The following CELF2 variants were observed in gnomAD, a reference collection of about 807,000 sequenced individuals.
The protein encoded by CELF2 is CUG triplet repeat RNA-binding protein 2.
A neutral mutation model predicts 62.6 loss-of-function variants in CELF2; 8 were observed. That is an observed-to-expected ratio of 0.13 (90% CI 0.07 to 0.23). The LOEUF (loss-of-function observed/expected upper bound fraction) is 0.23. Ranked by LOEUF, CELF2 falls within the 10% of genes least tolerant of loss-of-function variation. CELF2 has a pLI of 1.00. For missense variants in CELF2, 333 were observed against 671.0 expected, an observed-to-expected ratio of 0.50 and a Z score of 5.56; for synonymous variants, 258 against 250.0, an observed-to-expected ratio of 1.03 and a Z score of -0.30.
At chr10:10,805,336 C>G (rs2055103474) in intron 1 of CELF2, among the ~76,000 whole-genome samples, 1 of 152,208 alleles carries the variant, frequency 6.6e-6, no homozygotes, top group Non-Finnish European at 1.5e-5. Flanking sequence ...GATAAATTGA[C>G]AAGCATGGCA....
At chr10:10,820,955 C>T (rs1012202083) in intron 1 of CELF2, among the ~76,000 whole-genome samples, 2 of 151,944 alleles carry the variant, frequency 1.3e-5, no homozygotes, top group Admixed American at 1.3e-4. Flanking sequence ...TGTAGATATC[C>T]CGGCCAGAGA....
intron 5 of CELF2, among the ~76,000 whole-genome samples, chr10:11,263,369 A>G (rs1438739218): frequency 1.3e-5 from 2 of 152,068 alleles, no homozygotes; most frequent in East Asian, 1.9e-4. Context: ...AGTAATATAC[A>G]TGTTGTCTTA....
chr10:11,105,834 G>C (rs911546206), intron 1 of CELF2, among the ~76,000 whole-genome samples: 1 of 152,140 alleles, frequency 6.6e-6, no homozygotes, highest in African/African-American at 2.4e-5. Flanking sequence ...TTCTGCTCCA[G>C]TCTCCACTAC....
At chr10:10,588,861 T>C in the CELF2 span, among the ~76,000 whole-genome samples, 3 of 152,106 alleles carry the variant, frequency 2.0e-5, no homozygotes, top group African/African-American at 7.2e-5. Context: ...ATTCACAGAG[T>C]ACCACCCACT....
rs1283953997 is a variant in CELF2, at chr10:11,010,926, G to A, written c.53+5486G>A. 6.6e-6 allele frequency: 1 copy of A among 152,206 alleles called. No homozygotes were observed. Among genetic ancestry groups the A allele is most frequent in the Non-Finnish European group, 1.5e-5 (1 of 68,058 alleles). 9.4% of individuals were successfully genotyped at this position (152,206 alleles called of 1,614,324 possible). On this transcript the variant is annotated intron_variant, in intron 1 of 12. Coordinates refer to the CELF2 transcript ENST00000416382. This position sits in a 1 kb window ranked among gnomAD's most constrained non-coding sequence, Gnocchi z 4.1. Reference sequence around the variant, plus strand: ...ACTTACCTTGCAGTGCCAATTTTGGGAAGGGCATAGGACTGAAGAAATGGA... The same window carrying A: ...ACTTACCTTGCAGTGCCAATTTTGGAAAGGGCATAGGACTGAAGAAATGGA...
rs542797241 is a variant in CELF2 at position 11,270,401 on chromosome 10, AGAAGGAGAGGCAGTT to A, written c.619-264_619-250del. ...CAAGGTTGAAGGAAGACACAGGAAG[AGAAGGAGAGGCAGTT>A]ACTAATCAGAGCAAGAAAGCAAGTG... is the stretch of plus-strand genomic sequence containing the variant. On this transcript the variant is annotated intron_variant, in intron 6 of 12. Coordinates refer to ENST00000633077, the MANE Select transcript of CELF2 (RefSeq NM_001326342.2). The surrounding 1 kb of genome is among the most constrained non-coding windows in gnomAD (Gnocchi z 5.8). Among the ~76,000 whole-genome samples the A allele has an allele frequency of 2.9e-4, 44 of 152,340 alleles. No homozygotes were observed. The East Asian group carries it at 4.0e-3, about 14-fold the overall frequency.
the CELF2 span, among the ~76,000 whole-genome samples, chr10:10,487,296 C>T: frequency 5.9e-5 from 9 of 152,300 alleles, no homozygotes; most frequent in Admixed American, 3.3e-4. Context: ...CAAGTGGCCA[C>T]GTCAGAGGTC....
chr10:11,234,072 C>G (rs1462534236), intron 3 of CELF2, among the ~76,000 whole-genome samples: 2 of 152,204 alleles, frequency 1.3e-5, no homozygotes, highest in Non-Finnish European at 2.9e-5. Context: ...GACATTTTTG[C>G]TCATGTGCTG....
intron 1 of CELF2, among the ~76,000 whole-genome samples, chr10:11,081,458 A>G (rs1173899463): frequency 6.6e-6 from 1 of 152,230 alleles, no homozygotes; most frequent in Non-Finnish European, 1.5e-5. Context: ...AATGTTAGGG[A>G]AAGAGCATTC....
At chr10:10,678,462 A>G in the CELF2 span, among the ~76,000 whole-genome samples, 425 of 152,228 alleles carry the variant, frequency 2.8e-3, 3 homozygotes, top group African/African-American at 9.5e-3. Context: ...TTTCCATGGA[A>G]CAGCACTGCA....
At chr10:10,958,190 G>A (rs2049104381) in intron 2 of CELF2, among the ~76,000 whole-genome samples, 1 of 152,240 alleles carries the variant, frequency 6.6e-6, no homozygotes, top group Non-Finnish European at 1.5e-5. Flanking sequence ...ACTTGCTCAA[G>A]CATGAGGGAG....
chr10:10,932,265 G>C (rs1441959206), intron 2 of CELF2, among the ~76,000 whole-genome samples: 2 of 152,174 alleles, frequency 1.3e-5, no homozygotes. Flanking sequence ...ATGCGGTGGG[G>C]AGTGGGGAGA....
chr10:10,592,069 C>T, the CELF2 span, among the ~76,000 whole-genome samples: 69 of 151,882 alleles, frequency 4.5e-4, no homozygotes, highest in Middle Eastern at 3.2e-3. Context: ...TGTGGAGTAC[C>T]GACCTATTTA....
At chr10:10,824,282 TAATA>T (rs1267090928) in intron 1 of CELF2, among the ~76,000 whole-genome samples, 1 of 152,190 alleles carries the variant, frequency 6.6e-6, no homozygotes, top group Non-Finnish European at 1.5e-5. Context: ...AGAATGTTAT[TAATA>T]GTGTGTGATT....
At chr10:11,153,694 A>G (rs898440080) in intron 1 of CELF2, among the ~76,000 whole-genome samples, 1 of 152,242 alleles carries the variant, frequency 6.6e-6, no homozygotes, top group Non-Finnish European at 1.5e-5. Context: ...TGGATGTACA[A>G]TTAACCGTGA....
chr10:11,115,381 G>T (rs2056319755), intron 1 of CELF2, among the ~76,000 whole-genome samples: 1 of 152,186 alleles, frequency 6.6e-6, no homozygotes, highest in South Asian at 2.1e-4. Flanking sequence ...TTGAAAAGGG[G>T]AAAGGAAGAA....
Position 11,239,082 on chromosome 10 carries a change from T to C in CELF2, c.355-10071T>C, listed in dbSNP as rs536480567. ...TGTGGAATGCTGTCTGACAGCCGAT[T>C]AGAGTAATCTGTCAGAAATGATGAC... On this transcript the variant is annotated intron_variant, in intron 3 of 12. Transcript: ENST00000633077. Among the ~76,000 whole-genome samples the C allele has an allele frequency of 2.6e-5, 4 of 152,300 alleles. No individual in the cohort carries two copies. The South Asian group carries it at 8.3e-4, about 32-fold the overall frequency.
Position 11,223,916 on chromosome 10 carries a change from C to T in CELF2, c.354+6409C>T, listed in dbSNP as rs908458411. ...GCCATTACAAATTGTCTATTTCACC[C>T]GCCATAAAGTTTTACACACTACCTG... On this transcript the variant is annotated intron_variant, in intron 3 of 12. Coordinates refer to ENST00000633077, the MANE Select transcript of CELF2 (RefSeq NM_001326342.2). This position sits in a 1 kb window ranked among gnomAD's most constrained non-coding sequence, Gnocchi z 5.1. Among the ~76,000 whole-genome samples the T allele has an allele frequency of 3.9e-5, 6 of 152,176 alleles. No homozygotes were observed. The highest frequency in any genetic ancestry group is 9.7e-5 in the African/African-American group (4 of 41,432).
intron 1 of CELF2, among the ~76,000 whole-genome samples, chr10:11,163,686 C>G (rs2066266072): frequency 6.6e-6 from 1 of 152,150 alleles, no homozygotes. Context: ...GTTAGACAGT[C>G]TGATTGTTTA....
Sources: allele counts gnomAD v4.1 joint callset (sites outside exome capture counted in the v4.1 genomes callset), GRCh38; gene constraint gnomAD v4.1.1; non-coding constraint Gnocchi (gnomAD v3.1); transcripts MANE v1.5; gene names NCBI Gene and HGNC (gene_info 2026-07-23, HGNC 2026-07-21).